The following TMEM236 variants were observed in gnomAD, a reference collection of about 807,000 sequenced individuals.
TMEM236 encodes family with sequence similarity 23, member A.
A neutral mutation model predicts 14.7 loss-of-function variants in TMEM236; 11 were observed. That is an observed-to-expected ratio of 0.75 (90% CI 0.47 to 1.24). The LOEUF (loss-of-function observed/expected upper bound fraction) is 1.24, where lower values mean the gene tolerates loss of function less well. Among genes scored for constraint, TMEM236 ranks in the 50% most tolerant of loss-of-function variants. The pLI, the probability that TMEM236 is intolerant of heterozygous loss-of-function variation, is 0.00. For missense variants in TMEM236, 464 were observed against 427.3 expected (o/e 1.09, Z -0.76); for synonymous variants, 182 against 168.6 (o/e 1.08, Z -0.62).
At chr10:17,780,662 T>G (rs1837731042) in intron 3 of TMEM236, among the ~76,000 whole-genome samples, 2 of 152,068 alleles carry the variant, frequency 1.3e-5, no homozygotes, top group African/African-American at 4.8e-5. Flanking sequence ...ATGGCCATGT[T>G]TGGGAAGTGA....
intron 3 of TMEM236, 140 bp from the exon 4 acceptor site, chr10:17,795,781 A>G: frequency 1.0e-6 from 1 of 981,206 alleles, no homozygotes; most frequent in Admixed American, 2.7e-5. Context: ...GGAACTTAAA[A>G]TAAAATTAAA....
At chr10:17,771,263 C>A in intron 1 of TMEM236, 46 bp from the exon 2 acceptor site, 2 of 1,562,852 alleles carry the variant, frequency 1.3e-6, no homozygotes, top group South Asian at 1.1e-5. Flanking sequence ...GAGGAACTGT[C>A]GATCTTGTCC....
chr10:17,758,652 C>T (rs1373203800), intron 1 of TMEM236, among the ~76,000 whole-genome samples: 1 of 152,128 alleles, frequency 6.6e-6, no homozygotes. Flanking sequence ...GTTATGACCT[C>T]AAACTGAATT....
intron 1 of TMEM236, among the ~76,000 whole-genome samples, chr10:17,770,308 C>G (rs1199137371): frequency 6.6e-6 from 1 of 151,914 alleles, no homozygotes; most frequent in East Asian, 1.9e-4. Context: ...TGTAGAAAAC[C>G]TTTGAGCAGG....
In TMEM236 at chr10:17,767,620, TTCTC is replaced by T. The variant is rs202047037; in HGVS notation, c.258-3687_258-3684del. Among the ~76,000 whole-genome samples, 868 of 152,318 alleles carry T rather than the reference TTCTC, an allele frequency of 5.7e-3. 5 individuals are homozygous for T. Among genetic ancestry groups the T allele is most frequent in the African/African-American group, 0.02 (825 of 41,564 alleles). ...TTGAATTCCTACTATGTGTTGGACA[TTCTC>T]TAGCATCATGAAGTTCTTGAACTTG... On this transcript the variant is annotated intron_variant, in intron 1 of 3. Transcript: ENST00000377495.
chr10:17,781,429 T>G (rs1487895296), intron 3 of TMEM236, among the ~76,000 whole-genome samples: 1 of 152,120 alleles, frequency 6.6e-6, no homozygotes, highest in Non-Finnish European at 1.5e-5. Flanking sequence ...ACAATGTTAC[T>G]TCAAGAGTGA....
intron 3 of TMEM236, among the ~76,000 whole-genome samples, chr10:17,785,347 A>T (rs2461158): frequency 6.6e-6 from 1 of 151,994 alleles, no homozygotes; most frequent in Admixed American, 6.6e-5. Flanking sequence ...GCTCCGCCAT[A>T]GATTATGATG....
At chr10:17,765,049 G>T (rs2477668) in intron 1 of TMEM236, among the ~76,000 whole-genome samples, 131,500 of 151,814 alleles carry the variant, frequency 0.87, 57,263 homozygotes, top group East Asian at 1. Flanking sequence ...CTTGATCTCT[G>T]GACCTTGTGA....
At chr10:17,767,950 C>G (rs1227143170) in intron 1 of TMEM236, among the ~76,000 whole-genome samples, 1 of 150,378 alleles carries the variant, frequency 6.6e-6, no homozygotes, top group African/African-American at 2.5e-5. Context: ...CGCTCTGTCA[C>G]CCAGGCTGGA....
At chr10:17,771,105 C>T (rs1361027598) in intron 1 of TMEM236, among the ~76,000 whole-genome samples, 1 of 152,120 alleles carries the variant, frequency 6.6e-6, no homozygotes, top group Non-Finnish European at 1.5e-5. Flanking sequence ...AATCTCTCAC[C>T]CCTTTGTTCT....
Position 17,776,088 on chromosome 10 carries a change from C to G in TMEM236, c.390C>G (p.Pro130=). ...DVLPDMLPDL[P]VSLVLLSLIM... is the part of the protein sequence containing the mutation. ...TACCTGATATGTTACCTGACCTGCC[C>G]GTATCTCTGGTTCTGTTATCCCTGA... Residue 130 remains proline, a synonymous_variant, in exon 3 of 4, where the codon CCC becomes CCG. Coordinates refer to ENST00000377495, the MANE Select transcript of TMEM236 (RefSeq NM_001098844.3). 8 of 1,613,798 alleles carry G rather than the reference C, an allele frequency of 5.0e-6. No homozygotes were observed. The highest frequency in any genetic ancestry group is 6.8e-6 in the Non-Finnish European group (8 of 1,179,768).
chr10:17,780,343 G>C (rs979370903), intron 3 of TMEM236, among the ~76,000 whole-genome samples: 1 of 152,134 alleles, frequency 6.6e-6, no homozygotes, highest in African/African-American at 2.4e-5. Context: ...ACCAGTGGGT[G>C]CAAACAGACC....
In TMEM236 at chr10:17,786,998, C is replaced by T. The variant is rs562285351; in HGVS notation, c.473-8923C>T. On this transcript the variant is annotated intron_variant, in intron 3 of 3. Transcript: ENST00000377495. ...CTGCCGCCATGGAAGAAATGCCTTT[C>T]ACCCTCTGCCATGATTGTGAGACCT... Among the ~76,000 whole-genome samples, 989 of 152,322 alleles carry T rather than the reference C, an allele frequency of 6.5e-3. 7 individuals carry two copies. The highest frequency in any genetic ancestry group is 0.022 in the African/African-American group (933 of 41,578).
chr10:17,779,857 C>T (rs891275317), intron 3 of TMEM236, among the ~76,000 whole-genome samples: 2 of 152,144 alleles, frequency 1.3e-5, no homozygotes, highest in Non-Finnish European at 2.9e-5. Flanking sequence ...TTCTACCACT[C>T]CTGCTCGGCT....
intron 1 of TMEM236, among the ~76,000 whole-genome samples, chr10:17,767,873 G>C (rs1837494368): frequency 6.6e-6 from 1 of 151,112 alleles, no homozygotes; most frequent in East Asian, 1.9e-4. Flanking sequence ...TTGAAATTAT[G>C]AGTGATTACA....
intron 1 of TMEM236, among the ~76,000 whole-genome samples, chr10:17,760,492 T>C (rs2131741621): frequency 6.6e-6 from 1 of 152,336 alleles, no homozygotes; most frequent in East Asian, 1.9e-4. Context: ...AATTTTACTT[T>C]GGTGTTTTTG....
chr10:17,776,452 T>G (rs1037249403), intron 3 of TMEM236, among the ~76,000 whole-genome samples: 2 of 152,224 alleles, frequency 1.3e-5, no homozygotes, highest in Admixed American at 1.3e-4. Flanking sequence ...AGCAAGAAAT[T>G]ATCCAAGTAA....
Position 17,752,357 on chromosome 10 carries a change from C to G in TMEM236, c.62C>G (p.Ser21Cys). The stretch of plus-strand genomic sequence containing the variant: ...GAGCTCCTAGAGTTTGCCGCTTTCT[C>G]CATCCCCACACTCGTGATCACAGAA... ...VFELLEFAAF[S>C]IPTLVITEQF... Residue 21 changes from serine (S) to cysteine (C), a missense_variant, in exon 1 of 4, where the codon TCC becomes TGC. By Grantham distance (112) the Ser-to-Cys change is moderately radical. Transcript: ENST00000377495. The G allele has an allele frequency of 6.2e-7, 1 of 1,613,818 alleles. No individual in the cohort carries two copies. Among genetic ancestry groups the G allele is most frequent in the Non-Finnish European group, 8.5e-7 (1 of 1,179,850 alleles).
intron 1 of TMEM236, among the ~76,000 whole-genome samples, chr10:17,759,689 T>C (rs1032069782): frequency 6.6e-6 from 1 of 152,124 alleles, no homozygotes; most frequent in Non-Finnish European, 1.5e-5. Flanking sequence ...AGAACAATGA[T>C]AGTCTCCCCT....
Sources: gnomAD v4.1 joint callset for allele counts (sites outside exome capture counted in the v4.1 genomes callset) on GRCh38, gnomAD v4.1.1 for gene constraint, MANE v1.5 for transcripts, NCBI Gene and HGNC (gene_info 2026-07-23, HGNC 2026-07-21) for gene names.